PHACTR4: variants seen among roughly 807,000 people sequenced by gnomAD.
The protein encoded by PHACTR4 is phosphatase and actin regulator 4, also known as protein phosphatase 1, regulatory subunit 124.
A neutral mutation model predicts 72.7 loss-of-function variants in PHACTR4; 51 were observed. The observed-to-expected ratio is 0.70, with a 90% CI of 0.56 to 0.89. PHACTR4 has a LOEUF of 0.89. Among genes scored for constraint, PHACTR4 ranks in the 40% least tolerant of loss-of-function variants. PHACTR4 has a pLI of 0.00. For synonymous variants in PHACTR4, 255 were observed against 302.5 expected, an observed-to-expected ratio of 0.84 and a Z score of 1.63; for missense variants, 731 against 861.8, an observed-to-expected ratio of 0.85 and a Z score of 1.90.
At chr1:28,388,621 G>A (rs1027219929) in intron 1 of PHACTR4, among the ~76,000 whole-genome samples, 1 of 152,198 alleles carries the variant, frequency 6.6e-6, no homozygotes, top group African/African-American at 2.4e-5. Flanking sequence ...GGAGCCTGAG[G>A]CGGGCAGATC....
chr1:28,406,792 T>C (rs188582191), intron 1 of PHACTR4, among the ~76,000 whole-genome samples: 23 of 152,276 alleles, frequency 1.5e-4, no homozygotes, highest in African/African-American at 5.1e-4. Context: ...ATATTATACT[T>C]AGTCAACTTT....
chr1:28,417,460 A>T (rs1270461506), intron 2 of PHACTR4, among the ~76,000 whole-genome samples: 1 of 152,220 alleles, frequency 6.6e-6, no homozygotes, highest in Non-Finnish European at 1.5e-5. Flanking sequence ...AAGCACTGCA[A>T]TACCGCCACA....
intron 2 of PHACTR4, among the ~76,000 whole-genome samples, chr1:28,414,527 A>T (rs1654990275): frequency 6.6e-6 from 1 of 150,604 alleles, no homozygotes; most frequent in Non-Finnish European, 1.5e-5. Flanking sequence ...ATAGGCACAT[A>T]CCACCATGCC....
rs781216758 is a variant in PHACTR4 at position 28,466,486 on chromosome 1, G to A, written c.541G>A (p.Ala181Thr). 26 of 1,613,960 alleles carry A rather than the reference G, an allele frequency of 1.6e-5. 1 individual carries two copies. In the South Asian group the frequency reaches 2.9e-4, roughly 18 times the overall value. The stretch of plus-strand genomic sequence containing the variant: ...AAGACCCTTGTCCTCTTCTCATGAA[G>A]CAAGTGAAGGGCAAGCAAAGGATGC... ...PKRPLSSSHEASEGQAKDATS... is the reference protein window; with the variant it reads ...PKRPLSSSHETSEGQAKDATS... Residue 181 changes from alanine to threonine, a missense_variant, in exon 6 of 14, where the codon GCA (alanine) becomes ACA (threonine). Coordinates refer to ENST00000373839, the MANE Select transcript of PHACTR4 (RefSeq NM_001048183.3).
chr1:28,411,951 G>C (rs1654822807), intron 2 of PHACTR4, among the ~76,000 whole-genome samples: 1 of 152,138 alleles, frequency 6.6e-6, no homozygotes, highest in Non-Finnish European at 1.5e-5. Flanking sequence ...TGGTATTCTG[G>C]AAATAAAAGT....
chr1:28,445,760 G>C (rs1026851492), intron 2 of PHACTR4, among the ~76,000 whole-genome samples: 35 of 152,186 alleles, frequency 2.3e-4, no homozygotes, highest in African/African-American at 8.2e-4. Context: ...CAGGTGTGGT[G>C]GTGCACACCT....
intron 2 of PHACTR4, among the ~76,000 whole-genome samples, chr1:28,449,844 T>C (rs1046580455): frequency 2.0e-5 from 3 of 146,712 alleles, no homozygotes; most frequent in Non-Finnish European, 4.4e-5. Flanking sequence ...AGAGTGACAC[T>C]CTGTATAAAA....
chr1:28,463,849 C>T (rs967398983), intron 4 of PHACTR4, among the ~76,000 whole-genome samples: 1 of 152,106 alleles, frequency 6.6e-6, no homozygotes, highest in African/African-American at 2.4e-5. Context: ...CCTCCCACCT[C>T]AGCCTCCCAG....
intron 6 of PHACTR4, among the ~76,000 whole-genome samples, chr1:28,468,463 G>C (rs894671300): frequency 1.3e-5 from 2 of 152,050 alleles, no homozygotes; most frequent in African/African-American, 2.4e-5. Context: ...ATGGTGGTAG[G>C]CACCTGTAAT....
chr1:28,387,259 CAA>C lies in PHACTR4; in HGVS notation c.-39+17454_-39+17455del, dbSNP rs11431699. Among the ~76,000 whole-genome samples, 727 of 96,422 alleles carry C rather than the reference CAA, an allele frequency of 7.5e-3. 4 individuals carry two copies. The highest frequency in any genetic ancestry group is 0.022 in the African/African-American group (613 of 27,394). 63.3% of individuals were successfully genotyped at this position (96,422 alleles called of 152,430 possible). A position where few individuals can be genotyped will look rare whatever the true frequency, so the allele number is the denominator to read the frequency against. ...GTGGCAACAGAGCGAGACCCTGTCTCAAAAAAAAAAAAAAAAAAAAATTAGAG... is the reference window on the plus strand; with the variant it reads ...GTGGCAACAGAGCGAGACCCTGTCTCAAAAAAAAAAAAAAAAAAATTAGAG... On this transcript the variant is annotated intron_variant, in intron 1 of 13. Coordinates refer to ENST00000373839, the MANE Select transcript of PHACTR4 (RefSeq NM_001048183.3).
rs192992688 is a variant in PHACTR4 at position 28,370,887 on chromosome 1, C to A, written c.-39+1062C>A. Among the ~76,000 whole-genome samples the A allele has an allele frequency of 2.0e-5, 3 of 151,700 alleles. No individual in the cohort carries two copies. The East Asian group carries it at 5.8e-4, about 29-fold the overall frequency. On this transcript the variant is annotated intron_variant, in intron 1 of 13. Transcript: ENST00000373839. ...GGAGAATCGCTTGAGGCCAGAAGTT[C>A]GCGACCAGCCTGGGCAACACAGCAA...
At chr1:28,476,787 T>TTTTTTTTTTTTTTTTTTTTA (rs1659951822) in intron 8 of PHACTR4, among the ~76,000 whole-genome samples, 2 of 143,498 alleles carry the variant, frequency 1.4e-5, no homozygotes, top group Non-Finnish European at 3.0e-5. Context: ...TTTTTTTTTT[T>TTTTTTTTTTTTTTTTTTTTA]GAGACGGAGT....
chr1:28,390,132 G>A (rs192664215), intron 1 of PHACTR4, among the ~76,000 whole-genome samples: 2 of 152,292 alleles, frequency 1.3e-5, no homozygotes, highest in Non-Finnish European at 1.5e-5. Context: ...GACAAATGCT[G>A]CATGCTCTTA....
intron 2 of PHACTR4, among the ~76,000 whole-genome samples, chr1:28,445,999 A>G (rs758546500): frequency 6.7e-6 from 1 of 148,586 alleles, no homozygotes; most frequent in South Asian, 2.1e-4. Context: ...CAACAATAAA[A>G]CTGGAGTAAA....
At chr1:28,391,292 G>T (rs940956748) in intron 1 of PHACTR4, among the ~76,000 whole-genome samples, 2 of 150,154 alleles carry the variant, frequency 1.3e-5, no homozygotes, top group Non-Finnish European at 3.0e-5. Flanking sequence ...CCAGCTACTC[G>T]GGAGGCTGAG....
At chr1:28,466,338 G>A in intron 5 of PHACTR4, 44 bp from the exon 6 acceptor site, 1 of 1,549,884 alleles carries the variant, frequency 6.5e-7, no homozygotes, top group Non-Finnish European at 8.7e-7. Context: ...AGTTTCTCTT[G>A]TTACTCTCTC....
chr1:28,414,786 G>C (rs184545347), intron 2 of PHACTR4, among the ~76,000 whole-genome samples: 1 of 152,232 alleles, frequency 6.6e-6, no homozygotes, highest in Admixed American at 6.5e-5. Flanking sequence ...AATTCCGCCA[G>C]AGTTAGTGTA....
In PHACTR4 at chr1:28,496,613, T is replaced by G; in HGVS notation, c.*64T>G. The G allele has an allele frequency of 6.3e-7, 1 of 1,585,352 alleles. No individual in the cohort carries two copies. The highest frequency in any genetic ancestry group is 2.2e-5 in the East Asian group (1 of 44,770). Reference sequence around the variant, plus strand: ...CTGCTTCCTTCTCCAAAGTGACATATGGAGGGAACTTTAGCACTTCCCAGC... The same window carrying G: ...CTGCTTCCTTCTCCAAAGTGACATAGGGAGGGAACTTTAGCACTTCCCAGC... On this transcript the variant is annotated 3_prime_UTR_variant, in exon 14 of 14. Transcript: ENST00000373839.
intron 7 of PHACTR4, among the ~76,000 whole-genome samples, chr1:28,474,925 C>T (rs67977212): frequency 0.39 from 59,108 of 151,670 alleles, 13,341 homozygotes; most frequent in African/African-American, 0.62. Context: ...TTTAATCTTA[C>T]CTTAAAACTT....
Sources: allele counts gnomAD v4.1 joint callset (sites outside exome capture counted in the v4.1 genomes callset), GRCh38; gene constraint gnomAD v4.1.1; transcripts MANE v1.5; gene names NCBI Gene and HGNC (gene_info 2026-07-23, HGNC 2026-07-21).